The following CARMIL2 variants were observed in gnomAD, a reference collection of about 807,000 sequenced individuals.
CARMIL2 encodes the protein capping protein, Arp2/3 and myosin-I linker protein 2.
A neutral mutation model predicts 173.3 loss-of-function variants in CARMIL2; 96 were observed. The ratio of observed to expected loss-of-function variants is 0.55; its 90% CI spans 0.47 to 0.66. The LOEUF (loss-of-function observed/expected upper bound fraction) is 0.66, where lower values mean the gene tolerates loss of function less well. CARMIL2 is among the 30% of genes least tolerant of loss of function. The pLI is 0.00. For missense variants in CARMIL2, 1,771 were observed against 1,906.7 expected (o/e 0.93, Z 1.33); for synonymous variants, 830 against 817.1 (o/e 1.02, Z -0.27).
In CARMIL2 at chr16:67,649,923, G is replaced by GGCGCA. The variant is rs2052689743; in HGVS notation, c.2045_2049dup (p.Arg684AlafsTer6). On this transcript the variant is annotated frameshift_variant, in exon 21 of 38. Transcript: ENST00000334583. LOFTEE classifies it high-confidence loss of function. The surrounding 1 kb of genome is among the most constrained non-coding windows in gnomAD (Gnocchi z 6.7). ...CTCTGCCACTGAACGACGTGGCCCA[G>GGCGCA]GCGCAGCGCAGCCGCCCGGAACTGA... 2 of 1,613,240 alleles carry GGCGCA rather than the reference G, an allele frequency of 1.2e-6. No individual in the cohort carries two copies. The highest frequency in any genetic ancestry group is 2.7e-5 in the African/African-American group (2 of 75,040).
In CARMIL2 at chr16:67,656,496, T is replaced by G; in HGVS notation, c.3887T>G (p.Leu1296Trp). The G allele has an allele frequency of 6.2e-7, 1 of 1,613,184 alleles. No homozygotes were observed. Reference sequence around the variant, plus strand: ...ACCTGGAAGACACTGGGGCAGCAGTTGAATGCGGAGCTCAGGAGCCGTGGT... The same window carrying G: ...ACCTGGAAGACACTGGGGCAGCAGTGGAATGCGGAGCTCAGGAGCCGTGGT... ...SATWKTLGQQ[L>W]NAELRSRGWG... The change falls in exon 35 of 38, where the codon TTG becomes TGG. Residue 1296 changes from leucine (L) to tryptophan (W), a missense_variant. Coordinates refer to ENST00000334583, the MANE Select transcript of CARMIL2 (RefSeq NM_001013838.3).
chr16:67,645,569 G>C lies in CARMIL2; in HGVS notation c.70G>C (p.Glu24Gln), dbSNP rs1286973589. The change falls in exon 2 of 38, where the codon GAG becomes CAG. Residue 24 changes from glutamate to glutamine, a missense_variant. By Grantham distance (29) the Glu-to-Gln change is conservative. Transcript: ENST00000334583. ...GEITRFLWPK[E>Q]VELLLKTWLP... ...GATCACCAGGTTCCTGTGGCCCAAA[G>C]AGGTGGAGCTGCTGCTGAAAACCTG... 6.2e-7 allele frequency: 1 copy of C among 1,611,024 alleles called. No individual in the cohort carries two copies. Among genetic ancestry groups the C allele is most frequent in the Non-Finnish European group, 8.5e-7 (1 of 1,178,732 alleles).
intron 22 of CARMIL2, 73 bp downstream of exon 22, chr16:67,650,223 CAG>C: frequency 7.6e-7 from 1 of 1,323,972 alleles, no homozygotes; most frequent in Non-Finnish European, 1.1e-6. Flanking sequence ...CTCCATGAGT[CAG>C]AGGGTCTGAC....
chr16:67,649,911 C>T lies in CARMIL2; in HGVS notation c.2025C>T (p.Asn675=), dbSNP rs376888352. 117 of 1,613,030 alleles carry T rather than the reference C, an allele frequency of 7.3e-5. No individual in the cohort carries two copies. Among genetic ancestry groups the T allele is most frequent in the Middle Eastern group, 5.0e-4 (3 of 6,060 alleles). The change falls in exon 21 of 38, where the codon AAC becomes AAT. Residue 675 remains asparagine, a synonymous_variant. Transcript: ENST00000334583. This position sits in a 1 kb window ranked among gnomAD's most constrained non-coding sequence, Gnocchi z 6.7. ...HSLKAMPLPL[N]DVAQAQRSRP... ...TGAAGGCCATGCCTCTGCCACTGAA[C>T]GACGTGGCCCAGGCGCAGCGCAGCC... is the stretch of plus-strand genomic sequence containing the variant.
chr16:67,652,024 G>GCACACACTTTCGTGCAAA lies in CARMIL2; in HGVS notation c.2676+24_2676+41dup. The GCACACACTTTCGTGCAAA allele has an allele frequency of 5.0e-6, 8 of 1,612,826 alleles. No homozygotes were observed. The highest frequency in any genetic ancestry group is 6.8e-6 in the Non-Finnish European group (8 of 1,179,326). On this transcript the variant is annotated intron_variant, in intron 26 of 37. Coordinates refer to ENST00000334583, the MANE Select transcript of CARMIL2 (RefSeq NM_001013838.3). The surrounding 1 kb of genome is among the most constrained non-coding windows in gnomAD (Gnocchi z 4.7). ...GGATCAGCTGGTGAGGGGGAGATGT[G>GCACACACTTTCGTGCAAA]CACACACTTTCGTGCAAACACACAC...
At position 67,647,999 on chromosome 16, in the gene CARMIL2, T is replaced by C. The variant is rs1434460733; in HGVS notation, c.1071+41T>C. 14 of 1,606,704 alleles carry C rather than the reference T, an allele frequency of 8.7e-6. No individual in the cohort carries two copies. The South Asian group carries it at 1.6e-4, about 18-fold the overall frequency. On this transcript the variant is annotated intron_variant, in intron 13 of 37. Coordinates refer to ENST00000334583, the MANE Select transcript of CARMIL2 (RefSeq NM_001013838.3). ...CAGGGTGGGAGCTTGGGGTTGCTCA[T>C]AAGCCCTGGGTAGGCGATCCCCCAC...
Position 67,648,096 on chromosome 16 carries a change from G to C in CARMIL2, c.1116G>C (p.Leu372=). ...GCCGTCCTAACGTACTGTCGTTCCTGAATCTCGCAGGCACCGACACTGCCC... is the reference window on the plus strand; with the variant it reads ...GCCGTCCTAACGTACTGTCGTTCCTCAATCTCGCAGGCACCGACACTGCCC... The part of the protein sequence containing the change: ...FLSRPNVLSF[L]NLAGTDTALD... The change falls in exon 14 of 38, where the codon CTG becomes CTC. Residue 372 remains leucine (L), a synonymous_variant. Coordinates refer to ENST00000334583, the MANE Select transcript of CARMIL2 (RefSeq NM_001013838.3). This position sits in a 1 kb window ranked among gnomAD's most constrained non-coding sequence, Gnocchi z 6.1. The C allele has an allele frequency of 6.2e-7, 1 of 1,612,646 alleles. No homozygotes were observed. Among genetic ancestry groups the C allele is most frequent in the South Asian group, 1.1e-5 (1 of 90,860 alleles).
In CARMIL2 at chr16:67,645,523, A is replaced by C. The variant is rs2052576537; in HGVS notation, c.41-17A>C. ...TGTGCAAGGACTGAAGTCACCCAGC[A>C]GGCTGCCCTTCCACAGGCGAGATCA... On this transcript the variant is annotated splice_polypyrimidine_tract_variant and intron_variant, in intron 1 of 37. Coordinates refer to ENST00000334583, the MANE Select transcript of CARMIL2 (RefSeq NM_001013838.3). 1.3e-6 allele frequency: 2 copies of C among 1,579,464 alleles called. No individual in the cohort carries two copies. The highest frequency in any genetic ancestry group is 8.6e-7 in the Non-Finnish European group (1 of 1,162,322).
chr16:67,656,955 AGCTTT>A, intron 36 of CARMIL2, 74 bp downstream of exon 36: 1 of 1,251,402 alleles, frequency 8.0e-7, no homozygotes, highest in Non-Finnish European at 1.1e-6. Context: ...CTCCCTTCAT[AGCTTT>A]GGTCCTTGGA....
chr16:67,656,633 C>A lies in CARMIL2; in HGVS notation c.4024C>A (p.Pro1342Thr). The A allele has an allele frequency of 6.3e-7, 1 of 1,590,098 alleles. No individual in the cohort carries two copies. The highest frequency in any genetic ancestry group is 8.6e-7 in the Non-Finnish European group (1 of 1,169,036). The change falls in exon 35 of 38, where the codon CCC becomes ACC. Residue 1342 changes from proline (P) to threonine (T), a missense_variant. Pro to Thr is a conservative substitution (Grantham distance 38). Coordinates refer to ENST00000334583, the MANE Select transcript of CARMIL2 (RefSeq NM_001013838.3). ...CCTCCCAGAGGACCCTTGCTTGGGCCCCAGAAATGAAGGTAGGCAGGCACC... is the reference window on the plus strand; with the variant it reads ...CCTCCCAGAGGACCCTTGCTTGGGCACCAGAAATGAAGGTAGGCAGGCACC... ...LGLPEDPCLG[P>T]RNEDGQLRPR...
At chr16:67,650,197 T>C in intron 22 of CARMIL2, 47 bp downstream of exon 22, 2 of 1,508,914 alleles carry the variant, frequency 1.3e-6, no homozygotes, top group Non-Finnish European at 1.8e-6. Context: ...TGAGGAGACC[T>C]GTGGCATCCG....
At position 67,645,241 on chromosome 16, in the gene CARMIL2, C is replaced by T. The variant is rs997397934; in HGVS notation, c.-6C>T. On this transcript the variant is annotated 5_prime_UTR_variant, in exon 1 of 38. Transcript: ENST00000334583. ...GCTCGTTGGGCCTCCCCGGCCCGCC[C>T]GGCCCATGGCCCAGACCCCCGACGG... 3 of 1,591,850 alleles carry T rather than the reference C, an allele frequency of 1.9e-6. No individual in the cohort carries two copies. The highest frequency in any genetic ancestry group is 2.7e-5 in the African/African-American group (2 of 74,520).
In CARMIL2 at chr16:67,656,377, A is replaced by G. The variant is rs370906111; in HGVS notation, c.3815-47A>G. ...TTGGGTCAGACTGTTGTTCAGACCTATCGCCAATGCCTGACCAGGTCTTGG... is the reference window on the plus strand; with the variant it reads ...TTGGGTCAGACTGTTGTTCAGACCTGTCGCCAATGCCTGACCAGGTCTTGG... On this transcript the variant is annotated intron_variant, in intron 34 of 37. Coordinates refer to ENST00000334583, the MANE Select transcript of CARMIL2 (RefSeq NM_001013838.3). 5.5e-5 allele frequency: 89 copies of G among 1,609,754 alleles called. No homozygotes were observed. The African/African-American group carries it at 9.0e-4, about 16-fold the overall frequency.
Position 67,654,485 on chromosome 16 carries a change from C to T in CARMIL2, c.3375C>T (p.Pro1125=). 2 of 1,612,824 alleles carry T rather than the reference C, an allele frequency of 1.2e-6. No individual in the cohort carries two copies. Among genetic ancestry groups the T allele is most frequent in the Non-Finnish European group, 1.7e-6 (2 of 1,179,664 alleles). The change falls in exon 31 of 38, where the codon CCC becomes CCT. Residue 1125 remains proline, a synonymous_variant. Transcript: ENST00000334583. ...TDLETSPGAA[P]RTRKTTFGDL... is the part of the protein sequence containing the mutation. ...TAGAGACCAGCCCTGGGGCAGCTCC[C>T]CGAACCCGAAAAACTACATTTGGCG... is the stretch of plus-strand genomic sequence containing the variant.
chr16:67,651,936 A>G lies in CARMIL2; in HGVS notation c.2604A>G (p.Ser868=), dbSNP rs1443520369. Residue 868 remains serine, a synonymous_variant, in exon 26 of 38, where the codon TCA becomes TCG. Transcript: ENST00000334583. The surrounding 1 kb of genome is among the most constrained non-coding windows in gnomAD (Gnocchi z 4.2). ...CTGCCCTTAGGGACATGCGGCTATC[A>G]ATCACGGGGACCTTGGCAGAGAGCA... ...AFTRLRDMRL[S]ITGTLAESIV... 1 of 1,613,542 alleles carries G rather than the reference A, an allele frequency of 6.2e-7. No homozygotes were observed. The highest frequency in any genetic ancestry group is 1.1e-5 in the South Asian group (1 of 91,086).
Position 67,648,961 on chromosome 16 carries a change from T to G in CARMIL2, c.1578T>G (p.Asp526Glu), listed in dbSNP as rs780685103. 2.6e-5 allele frequency: 42 copies of G among 1,609,610 alleles called. No homozygotes were observed. Among genetic ancestry groups the G allele is most frequent in the Middle Eastern group, 1.6e-4 (1 of 6,072 alleles). ...ACGCAGGCGCTGTGAGCTCCCTGGA[T>G]CTGGCGGATAACGGTGAGGCTGCAG... ...VCDAGAVSSL[D>E]LADNGFGSDM... Residue 526 changes from aspartate to glutamate, a missense_variant, in exon 17 of 38, where the codon GAT becomes GAG. By Grantham distance (45) the Asp-to-Glu change is conservative. Coordinates refer to ENST00000334583, the MANE Select transcript of CARMIL2 (RefSeq NM_001013838.3). This position sits in a 1 kb window ranked among gnomAD's most constrained non-coding sequence, Gnocchi z 6.1.
In CARMIL2 at chr16:67,654,939, A is replaced by T. The variant is rs768269674; in HGVS notation, c.3705+39A>T. On this transcript the variant is annotated intron_variant, in intron 32 of 37. Transcript: ENST00000334583. ...ACCTGAGCATGAAGTGAGAGGGCAG[A>T]TGGCATGCTGTGGGTGACATAAGTG... 8 of 1,610,120 alleles carry T rather than the reference A, an allele frequency of 5.0e-6. No individual in the cohort carries two copies. In the South Asian group the frequency reaches 8.8e-5, roughly 18 times the overall value.
In CARMIL2 at chr16:67,652,397, G is replaced by T; in HGVS notation, c.2817+58G>T. 6.2e-7 allele frequency: 1 copy of T among 1,611,974 alleles called. No individual in the cohort carries two copies. Among genetic ancestry groups the T allele is most frequent in the Non-Finnish European group, 8.5e-7 (1 of 1,178,754 alleles). On this transcript the variant is annotated intron_variant, in intron 27 of 37. Coordinates refer to ENST00000334583, the MANE Select transcript of CARMIL2 (RefSeq NM_001013838.3). This position sits in a 1 kb window ranked among gnomAD's most constrained non-coding sequence, Gnocchi z 4.7. ...CCCAGTCTTCCCATCTTGCTGTGGA[G>T]TGTGGAAGGTGAAAGGCAGCTCTTT...
In CARMIL2 at chr16:67,656,083, G is replaced by C; in HGVS notation, c.3742+16G>C. ...GGCTCAGATGGTAAGTGGGACCCTGGGGTGTGGCAGTACATTTGCCAGGAG... is the reference window on the plus strand; with the variant it reads ...GGCTCAGATGGTAAGTGGGACCCTGCGGTGTGGCAGTACATTTGCCAGGAG... On this transcript the variant is annotated intron_variant, in intron 33 of 37. Coordinates refer to ENST00000334583, the MANE Select transcript of CARMIL2 (RefSeq NM_001013838.3). 1 of 1,607,334 alleles carries C rather than the reference G, an allele frequency of 6.2e-7. No individual in the cohort carries two copies. Among genetic ancestry groups the C allele is most frequent in the South Asian group, 1.1e-5 (1 of 90,118 alleles).
Sources: gnomAD v4.1 joint callset for allele counts on GRCh38, gnomAD v4.1.1 for gene constraint, Gnocchi (gnomAD v3.1) non-coding constraint, MANE v1.5 for transcripts, NCBI Gene and HGNC (gene_info 2026-07-23, HGNC 2026-07-21) for gene names.